PCNX1: variants seen among roughly 807,000 people sequenced by gnomAD.
PCNX1 encodes the protein pecanex 1.
In PCNX1, 78 loss-of-function variants were observed where a neutral mutation model predicts 242.2. That is an observed-to-expected ratio of 0.32 (90% CI 0.27 to 0.39). The LOEUF (loss-of-function observed/expected upper bound fraction) is 0.39. Ranked by LOEUF, PCNX1 falls within the 10% of genes least tolerant of loss-of-function variation. The probability of loss-of-function intolerance (pLI) is 1.00; values close to 1 mark genes in which losing one functional copy is unlikely to be tolerated. For synonymous variants in PCNX1, 1,024 were observed against 1,032.9 expected (o/e 0.99, Z 0.17); for missense variants, 2,581 against 2,856.5 (o/e 0.90, Z 2.20).
At chr14:71,077,895 A>G (rs1346501397) in intron 28 of PCNX1, among the ~76,000 whole-genome samples, 1 of 152,098 alleles carries the variant, frequency 6.6e-6, no homozygotes, top group African/African-American at 2.4e-5. Context: ...GATATTGGCT[A>G]TTTTGTTATG....
At chr14:70,971,840 TTGAGAAATATTG>T in intron 5 of PCNX1, among the ~76,000 whole-genome samples, 1 of 152,208 alleles carries the variant, frequency 6.6e-6, no homozygotes, top group Admixed American at 6.5e-5. Context: ...CCTGTCAGGT[TTGAGAAATATTG>T]TGGCTGGCTC....
chr14:70,928,904 T>G (rs1306324362), intron 1 of PCNX1, among the ~76,000 whole-genome samples: 1 of 152,214 alleles, frequency 6.6e-6, no homozygotes, highest in South Asian at 2.1e-4. Context: ...ACTTTTGGCT[T>G]GCTGCTACTT....
At chr14:70,928,193 T>C (rs1272991636) in intron 1 of PCNX1, among the ~76,000 whole-genome samples, 1 of 152,164 alleles carries the variant, frequency 6.6e-6, no homozygotes, top group Non-Finnish European at 1.5e-5. Context: ...AAGGAGAATC[T>C]CATTGTTTTT....
At chr14:71,048,084 G>C in intron 22 of PCNX1, 100 bp downstream of exon 22, 1 of 769,982 alleles carries the variant, frequency 1.3e-6, no homozygotes, top group Non-Finnish European at 2.0e-6. Context: ...ATTTATTATT[G>C]TTTAAGTAAT....
rs186910707 is a variant in PCNX1 at position 71,076,372 on chromosome 14, G to T, written c.5290G>T (p.Val1764Leu). The T allele has an allele frequency of 1.2e-6, 2 of 1,613,324 alleles. No individual in the cohort carries two copies. Among genetic ancestry groups the T allele is most frequent in the Admixed American group, 3.3e-5 (2 of 59,998 alleles). The change falls in exon 28 of 36, where the codon GTG (valine) becomes TTG (leucine). Residue 1764 changes from valine (V) to leucine (L), a missense_variant. Val to Leu is a conservative substitution (Grantham distance 32, BLOSUM62 1). Transcript: ENST00000304743. ...AGGCATATCTAGGGAGAGTTTCTGT[G>T]TGATTTACCTCAACTGGATAGAGTA... ...LAGISRESFCVIYLNWIEYCS... is the reference protein window; with the variant it reads ...LAGISRESFCLIYLNWIEYCS...
intron 30 of PCNX1, among the ~76,000 whole-genome samples, chr14:71,089,966 T>C (rs1031642993): frequency 2.0e-5 from 3 of 152,012 alleles, no homozygotes; most frequent in Non-Finnish European, 4.4e-5. Context: ...AAAAGAAAAA[T>C]TATTTACAAG....
Position 71,013,101 on chromosome 14 carries a change from A to G in PCNX1, c.2895A>G (p.Glu965=). 1 of 1,614,172 alleles carries G rather than the reference A, an allele frequency of 6.2e-7. No homozygotes were observed. The highest frequency in any genetic ancestry group is 1.6e-4 in the Middle Eastern group (1 of 6,062). The change falls in exon 11 of 36, where the codon GAA becomes GAG. Residue 965 remains glutamate, a synonymous_variant. Coordinates refer to ENST00000304743, the MANE Select transcript of PCNX1 (RefSeq NM_014982.3). ...CAGCTACTTACGGCCCAACAGAAGA[A>G]GCTGCCCAAAAGGTTAAACACTATT... ...DLAATYGPTE[E]AAQKVKHYYR...
In PCNX1 at chr14:71,050,770, T is replaced by C; in HGVS notation, c.4447+10T>C. ...CCTTTTGCAGTGCCTCGTATCCTTC[T>C]AATTAAAGTTTTATAAGAATGGACA... On this transcript the variant is annotated intron_variant, in intron 23 of 35. Transcript: ENST00000304743. 6.2e-7 allele frequency: 1 copy of C among 1,609,864 alleles called. No individual in the cohort carries two copies.
At chr14:71,051,772 C>A in intron 23 of PCNX1, 111 bp from the exon 24 acceptor site, 1 of 986,620 alleles carries the variant, frequency 1.0e-6, no homozygotes, top group Non-Finnish European at 1.5e-6. Context: ...TTCTGGTGAA[C>A]CTCAGTTCTC....
intron 12 of PCNX1, among the ~76,000 whole-genome samples, chr14:71,022,282 T>C (rs533147390): frequency 2.6e-5 from 4 of 152,298 alleles, no homozygotes; most frequent in South Asian, 4.1e-4. Flanking sequence ...AGTGTCTCCA[T>C]GGTCCAATTA....
At chr14:70,948,304 A>G (rs1050455217) in intron 2 of PCNX1, among the ~76,000 whole-genome samples, 2 of 152,052 alleles carry the variant, frequency 1.3e-5, no homozygotes, top group African/African-American at 2.4e-5. Flanking sequence ...ACCTGCCGAC[A>G]TGTGATGTCT....
chr14:70,932,615 T>G (rs1243429823), intron 1 of PCNX1, among the ~76,000 whole-genome samples: 1 of 151,712 alleles, frequency 6.6e-6, no homozygotes, highest in African/African-American at 2.4e-5. Context: ...TTATTTATTT[T>G]TATTTTTATT....
intron 33 of PCNX1, among the ~76,000 whole-genome samples, chr14:71,106,170 C>T (rs1413815147): frequency 2.0e-5 from 3 of 151,802 alleles, no homozygotes; most frequent in African/African-American, 7.2e-5. Flanking sequence ...CATGCCACTG[C>T]GCCCAACTAA....
At position 70,942,444 on chromosome 14, in the gene PCNX1, A is replaced by G. The variant is rs556861709; in HGVS notation, c.154-4471A>G. On this transcript the variant is annotated intron_variant, in intron 1 of 35. Transcript: ENST00000304743. ...AGAAAAAACAAACTCTTCTCCTACT[A>G]TGCTATCACAGCACAGAACACTTCT... Among the ~76,000 whole-genome samples the G allele has an allele frequency of 3.3e-5, 5 of 152,276 alleles. No individual in the cohort carries two copies. The South Asian group carries it at 6.2e-4, about 19-fold the overall frequency.
intron 11 of PCNX1, among the ~76,000 whole-genome samples, chr14:71,017,074 A>C (rs752772664): frequency 2.6e-5 from 4 of 152,226 alleles, no homozygotes; most frequent in Non-Finnish European, 5.9e-5. Flanking sequence ...TCCAGGTATT[A>C]AAAGCATAAT....
chr14:71,073,254 C>T (rs530871635), intron 26 of PCNX1, among the ~76,000 whole-genome samples: 2 of 152,302 alleles, frequency 1.3e-5, no homozygotes, highest in East Asian at 1.9e-4. Flanking sequence ...GCTGAGATCA[C>T]GCCACTGCAC....
chr14:71,009,676 T>C lies in PCNX1; in HGVS notation c.2672T>C (p.Met891Thr). The part of the protein sequence containing the change: ...STLYETGGCD[M>T]SLVNFEPAAR... ...CTGTATGAGACTGGTGGCTGTGATA[T>C]GTCACTTGTGAATTTTGAACCAGCA... Residue 891 changes from methionine to threonine, a missense_variant, in exon 9 of 36, where the codon ATG becomes ACG. Physicochemically the swap from Met to Thr is moderately conservative, Grantham distance 81 (BLOSUM62 -1). Around this residue, in one of 9 missense-constraint regions of PCNX1, gnomAD observed 1,204 missense variants for 1,216.7 expected, o/e 0.99. Transcript: ENST00000304743. 1 of 1,605,026 alleles carries C rather than the reference T, an allele frequency of 6.2e-7. No homozygotes were observed. The highest frequency in any genetic ancestry group is 1.1e-5 in the South Asian group (1 of 90,052).
At chr14:71,025,001 C>T (rs2060202657) in intron 13 of PCNX1, among the ~76,000 whole-genome samples, 1 of 152,110 alleles carries the variant, frequency 6.6e-6, no homozygotes, top group Admixed American at 6.5e-5. Flanking sequence ...GTATATGTGT[C>T]CTTCTCCATA....
intron 30 of PCNX1, among the ~76,000 whole-genome samples, chr14:71,099,718 T>C (rs2062411670): frequency 6.6e-6 from 1 of 152,228 alleles, no homozygotes; most frequent in Non-Finnish European, 1.5e-5. Flanking sequence ...AGTCTTTTTG[T>C]AGGCCAGTAA....
Sources: allele counts gnomAD v4.1 joint callset (sites outside exome capture counted in the v4.1 genomes callset), GRCh38; gene constraint gnomAD v4.1.1; regional missense constraint gnomAD v4.1.1; transcripts MANE v1.5; gene names NCBI Gene and HGNC (gene_info 2026-07-23, HGNC 2026-07-21).